Variants in ATXN7L1 observed in about 807,000 individuals in gnomAD.
ATXN7L1 encodes the protein ataxin 7 like 1.
In ATXN7L1, 15 loss-of-function variants were observed where a neutral mutation model predicts 70.8. That is an observed-to-expected ratio of 0.21 (90% CI 0.14 to 0.33). The LOEUF (loss-of-function observed/expected upper bound fraction) is 0.33, where lower values mean the gene tolerates loss of function less well. Among genes scored for constraint, ATXN7L1 ranks in the 10% least tolerant of loss-of-function variants. The pLI is 1.00. For synonymous variants in ATXN7L1, 440 were observed against 445.1 expected (o/e 0.99, Z 0.14); for missense variants, 975 against 1,097.1 (o/e 0.89, Z 1.57).
At position 105,614,852 on chromosome 7, in the gene ATXN7L1, G is replaced by A. The variant is rs745716920; in HGVS notation, c.1518-36C>T. 2.6e-6 allele frequency: 4 copies of A among 1,525,002 alleles called. No homozygotes were observed. The highest frequency in any genetic ancestry group is 2.7e-6 in the Non-Finnish European group (3 of 1,131,848). The allele number at this position is 1,525,002 out of a possible 1,614,324, so 94.5% of individuals were successfully genotyped here. Reference sequence around the variant, plus strand: ...GAGAAGAGTGAAAGAGAATCAGTGAGACATCGGGTTGGCATTGCTCAGGAG... The same window carrying A: ...GAGAAGAGTGAAAGAGAATCAGTGAAACATCGGGTTGGCATTGCTCAGGAG... On this transcript the variant is annotated intron_variant, in intron 9 of 11. Coordinates refer to ENST00000419735, the MANE Select transcript of ATXN7L1 (RefSeq NM_020725.2). The surrounding 1 kb of genome is among the most constrained non-coding windows in gnomAD (Gnocchi z 4.3).
intron 4 of ATXN7L1, among the ~76,000 whole-genome samples, chr7:105,664,531 A>AGTGTGTGTGTGTG (rs1802250928): frequency 7.1e-6 from 1 of 140,248 alleles, no homozygotes; most frequent in Non-Finnish European, 1.5e-5. Flanking sequence ...CATATGTATA[A>AGTGTGTGTGTGTG]TATATATATG....
rs568203480 is a variant in ATXN7L1, at chr7:105,834,105, T to C, written c.250+41707A>G. 3.3e-5 allele frequency among the ~76,000 whole-genome samples: 5 copies of C among 152,334 alleles called. No homozygotes were observed. The South Asian group carries it at 1.0e-3, about 32-fold the overall frequency. ...TTGCCCAGGCTGGAGTGCAGTGGTA[T>C]GATCTCAGCTCACCGCAAACTCTGC... On this transcript the variant is annotated intron_variant, in intron 2 of 11. Coordinates refer to ENST00000419735, the MANE Select transcript of ATXN7L1 (RefSeq NM_020725.2).
At chr7:105,833,413 T>C (rs1429990065) in intron 2 of ATXN7L1, among the ~76,000 whole-genome samples, 1 of 152,158 alleles carries the variant, frequency 6.6e-6, no homozygotes, top group African/African-American at 2.4e-5. Flanking sequence ...ACACGCTACA[T>C]GATAAATGAA....
intron 3 of ATXN7L1, among the ~76,000 whole-genome samples, chr7:105,765,137 G>A (rs1584950365): frequency 2.0e-5 from 3 of 151,666 alleles, no homozygotes; most frequent in South Asian, 2.1e-4. Flanking sequence ...AGTTCGAGAC[G>A]AGCCTGGCCA....
chr7:105,866,013 G>A (rs922642467), intron 2 of ATXN7L1, among the ~76,000 whole-genome samples: 2 of 151,896 alleles, frequency 1.3e-5, no homozygotes, highest in Non-Finnish European at 2.9e-5. Context: ...AACCAAACTG[G>A]GACCATGTCT....
chr7:105,823,080 C>A (rs1423106108), intron 2 of ATXN7L1, among the ~76,000 whole-genome samples: 2 of 151,848 alleles, frequency 1.3e-5, no homozygotes, highest in African/African-American at 2.4e-5. Flanking sequence ...TTAATACATC[C>A]TCTGGCCCTT....
At chr7:105,807,753 C>T (rs1287039936) in intron 2 of ATXN7L1, among the ~76,000 whole-genome samples, 2 of 152,220 alleles carry the variant, frequency 1.3e-5, no homozygotes, top group Non-Finnish European at 2.9e-5. Flanking sequence ...CCTGCCCAGA[C>T]CTCTCCAGAC....
intron 10 of ATXN7L1, among the ~76,000 whole-genome samples, chr7:105,612,613 C>T (rs1294346834): frequency 1.3e-5 from 2 of 152,158 alleles, no homozygotes; most frequent in Admixed American, 1.3e-4. Context: ...GTGCCAGCCC[C>T]CCTCCCTCAC....
At chr7:105,808,088 G>A (rs1807881327) in intron 2 of ATXN7L1, among the ~76,000 whole-genome samples, 4 of 152,086 alleles carry the variant, frequency 2.6e-5, no homozygotes, top group Admixed American at 2.0e-4. Flanking sequence ...TGGCCTGGAG[G>A]GTCACTCTGC....
intron 3 of ATXN7L1, among the ~76,000 whole-genome samples, chr7:105,738,456 T>C (rs1563053613): frequency 1.3e-5 from 2 of 152,226 alleles, no homozygotes; most frequent in Non-Finnish European, 2.9e-5. Flanking sequence ...TAAATCACAC[T>C]AGCACTCACA....
chr7:105,669,806 C>T (rs1299642839), intron 3 of ATXN7L1, among the ~76,000 whole-genome samples: 2 of 151,554 alleles, frequency 1.3e-5, no homozygotes, highest in Non-Finnish European at 2.9e-5. Flanking sequence ...GTAATCCCAG[C>T]TACTCGGGAG....
chr7:105,645,920 T>C (rs1380735916), intron 4 of ATXN7L1, among the ~76,000 whole-genome samples: 1 of 151,216 alleles, frequency 6.6e-6, no homozygotes, highest in East Asian at 1.9e-4. Flanking sequence ...GGTGGGAGAA[T>C]CACTTGAACC....
At chr7:105,676,092 C>T (rs1029102050) in intron 3 of ATXN7L1, among the ~76,000 whole-genome samples, 1 of 152,130 alleles carries the variant, frequency 6.6e-6, no homozygotes, top group Non-Finnish European at 1.5e-5. Flanking sequence ...GGAGAACGGA[C>T]GCGGCCCTCA....
chr7:105,656,108 T>G (rs1800593581), intron 4 of ATXN7L1, among the ~76,000 whole-genome samples: 1 of 152,168 alleles, frequency 6.6e-6, no homozygotes, highest in Admixed American at 6.5e-5. Context: ...AGCCTACAAC[T>G]GTGGGTCTGA....
intron 3 of ATXN7L1, among the ~76,000 whole-genome samples, chr7:105,770,809 A>G (rs1339506593): frequency 2.0e-5 from 3 of 152,148 alleles, no homozygotes; most frequent in Admixed American, 2.0e-4. Context: ...CTAGAGCTGA[A>G]ACTTAAATTT....
At chr7:105,753,729 A>C (rs981812137) in intron 3 of ATXN7L1, among the ~76,000 whole-genome samples, 1 of 152,236 alleles carries the variant, frequency 6.6e-6, no homozygotes, top group African/African-American at 2.4e-5. Context: ...GCAACAGCTA[A>C]CTCATCTTTC....
rs1795337008 is a variant in ATXN7L1 at position 105,624,196 on chromosome 7, A to G, written c.1274T>C (p.Leu425Pro). 6.5e-7 allele frequency: 1 copy of G among 1,528,414 alleles called. No individual in the cohort carries two copies. The allele number at this position is 1,528,414 out of a possible 1,614,324, so 94.7% of individuals were successfully genotyped here. A position where few individuals can be genotyped will look rare whatever the true frequency, so the allele number is the denominator to read the frequency against. Residue 425 changes from leucine (L) to proline (P), a missense_variant, in exon 8 of 12, where the codon CTC (leucine) becomes CCC (proline). This residue lies in a region of ATXN7L1 where 635 missense variants were observed against 699.4 expected (regional missense o/e 0.91). Transcript: ENST00000419735. ...GGCGAGGTCACCTCCAACCGGTGGGAGTGGGGGCTCTGGAGTGTGGCCGCT... is the reference window on the plus strand; with the variant it reads ...GGCGAGGTCACCTCCAACCGGTGGGGGTGGGGGCTCTGGAGTGTGGCCGCT... ...NHSGHTPEPP[L>P]PPVGGDLASR...
intron 3 of ATXN7L1, among the ~76,000 whole-genome samples, chr7:105,744,486 C>T (rs913029100): frequency 2.0e-5 from 3 of 152,120 alleles, no homozygotes; most frequent in African/African-American, 7.2e-5. Context: ...AGGGCTTGTT[C>T]TCCATGTGTC....
At chr7:105,802,545 C>G (rs564400547) in intron 2 of ATXN7L1, among the ~76,000 whole-genome samples, 33 of 152,322 alleles carry the variant, frequency 2.2e-4, no homozygotes, top group African/African-American at 7.7e-4. Flanking sequence ...AATTTCCCAG[C>G]AAATCCTACT....
Sources: allele counts gnomAD v4.1 joint callset (sites outside exome capture counted in the v4.1 genomes callset), GRCh38; gene constraint gnomAD v4.1.1; regional missense constraint gnomAD v4.1.1; non-coding constraint Gnocchi (gnomAD v3.1); transcripts MANE v1.5; gene names NCBI Gene and HGNC (gene_info 2026-07-23, HGNC 2026-07-21).